PDE11A: variants seen among roughly 807,000 people sequenced by gnomAD.
PDE11A encodes dual 3',5'-cyclic-AMP and -GMP phosphodiesterase 11A.
PDE11A carries 100 observed loss-of-function variants against 100.5 expected under a neutral mutation model. That is an observed-to-expected ratio of 1.00 (90% confidence interval 0.85 to 1.18). PDE11A has a LOEUF of 1.18. Among genes scored for constraint, PDE11A ranks in the 50% most tolerant of loss-of-function variants. The probability of loss-of-function intolerance (pLI) is 0.00; values close to 1 mark genes in which losing one functional copy is unlikely to be tolerated. For synonymous variants in PDE11A, 381 were observed against 420.8 expected, an observed-to-expected ratio of 0.91 and a Z score of 1.16; for missense variants, 1,141 against 1,152.6, an observed-to-expected ratio of 0.99 and a Z score of 0.15.
chr2:178,094,100 A>T (rs562052575), intron 2 of PDE11A, among the ~76,000 whole-genome samples: 7 of 152,352 alleles, frequency 4.6e-5, no homozygotes, highest in Admixed American at 1.3e-4. Context: ...GATTATCTTC[A>T]TCAGAAGATG....
At chr2:177,864,542 C>G (rs1337221092) in intron 5 of PDE11A, among the ~76,000 whole-genome samples, 2 of 151,684 alleles carry the variant, frequency 1.3e-5, no homozygotes, top group Admixed American at 6.6e-5. Context: ...AATGATGGTC[C>G]AAATATAGAA....
chr2:177,924,041 T>C (rs1166927510), intron 2 of PDE11A, among the ~76,000 whole-genome samples: 1 of 152,260 alleles, frequency 6.6e-6, no homozygotes, highest in Non-Finnish European at 1.5e-5. Flanking sequence ...ATATCTGCTT[T>C]ACTCTAAAGT....
chr2:177,629,474 C>A lies in PDE11A; in HGVS notation c.2735G>T (p.Arg912Leu). The A allele has an allele frequency of 6.2e-7, 1 of 1,613,868 alleles. No homozygotes were observed. Among genetic ancestry groups the A allele is most frequent in the Non-Finnish European group, 8.5e-7 (1 of 1,179,818 alleles). The change falls in exon 20 of 20, where the codon CGA becomes CTA. Residue 912 changes from arginine to leucine, a missense_variant. Arg to Leu is a moderately radical substitution (Grantham distance 102). Coordinates refer to ENST00000286063, the MANE Select transcript of PDE11A (RefSeq NM_016953.4). ...RSKWEELHQKRLLASTASSSP... is the reference protein window; with the variant it reads ...RSKWEELHQKLLLASTASSSP... ...GGATGAGGCAGTTGAGGCCAGCAGTCGTTTTTGGTGTAGCTCTTCCCACTT... is the reference window on the plus strand; with the variant it reads ...GGATGAGGCAGTTGAGGCCAGCAGTAGTTTTTGGTGTAGCTCTTCCCACTT...
chr2:177,875,734 G>A (rs1412959860), intron 5 of PDE11A, 125 bp downstream of exon 5: 6 of 728,602 alleles, frequency 8.2e-6, no homozygotes, highest in Non-Finnish European at 1.0e-5. Flanking sequence ...AAATACAGAA[G>A]AGTCACGATA....
intron 10 of PDE11A, among the ~76,000 whole-genome samples, chr2:177,738,546 T>C (rs558583016): frequency 6.6e-6 from 1 of 152,312 alleles, no homozygotes; most frequent in East Asian, 1.9e-4. Flanking sequence ...CTGCCTTTTG[T>C]CTTGGTTCTG....
chr2:178,108,247 C>G (rs1489001890), intron 1 of PDE11A: 1 of 152,306 alleles, frequency 6.6e-6, no homozygotes, highest in Admixed American at 6.5e-5. Context: ...CCGCTCCCAG[C>G]AGTCACCTGG....
intron 2 of PDE11A, among the ~76,000 whole-genome samples, chr2:177,979,498 T>A (rs906429470): frequency 4.0e-5 from 6 of 150,336 alleles, no homozygotes; most frequent in Non-Finnish European, 7.5e-5. Context: ...ATGGAACACC[T>A]ACAAAGAGGT....
rs183247149 is a variant in PDE11A, at chr2:177,795,001, G to T, written c.1737+21828C>A. Among the ~76,000 whole-genome samples the T allele has an allele frequency of 1.8e-3, 281 of 152,222 alleles. 1 individual carries two copies. The highest frequency in any genetic ancestry group is 1.4e-3 in the Non-Finnish European group (98 of 68,024). ...GAGGTTTCACTATGTTGACCAGGCT[G>T]GTCTTGAACTCCTGACCTCATGATC... On this transcript the variant is annotated intron_variant, in intron 9 of 19. Transcript: ENST00000286063.
chr2:177,955,976 A>T (rs960141178), intron 2 of PDE11A, among the ~76,000 whole-genome samples: 8 of 152,158 alleles, frequency 5.3e-5, no homozygotes, highest in Admixed American at 5.2e-4. Context: ...AACCTAGGCA[A>T]TACCATTCAG....
At chr2:177,675,850 GT>G (rs1459311246) in intron 16 of PDE11A, 3 of 408,576 alleles carry the variant, frequency 7.3e-6, no homozygotes, top group South Asian at 2.0e-5. Context: ...ATGTTGTTGG[GT>G]TTTTTTAAAC....
At chr2:177,866,727 A>G (rs929335831) in intron 5 of PDE11A, among the ~76,000 whole-genome samples, 5 of 152,234 alleles carry the variant, frequency 3.3e-5, no homozygotes, top group Admixed American at 6.5e-5. Context: ...AGACTTACAT[A>G]AACAAACTAC....
At chr2:177,658,197 C>T (rs2080418959) in intron 19 of PDE11A, among the ~76,000 whole-genome samples, 1 of 152,156 alleles carries the variant, frequency 6.6e-6, no homozygotes, top group Non-Finnish European at 1.5e-5. Context: ...GTCACAAAAT[C>T]ATCACAACCA....
chr2:177,801,026 A>C (rs929504040), intron 9 of PDE11A, among the ~76,000 whole-genome samples: 1 of 152,234 alleles, frequency 6.6e-6, no homozygotes, highest in Admixed American at 6.5e-5. Flanking sequence ...GCAACCTTTT[A>C]GAAATCTTAT....
chr2:177,706,859 A>T (rs987898919), intron 13 of PDE11A, among the ~76,000 whole-genome samples: 1 of 151,628 alleles, frequency 6.6e-6, no homozygotes, highest in South Asian at 2.1e-4. Flanking sequence ...GTTCAGTCTT[A>T]TACAAGCAAC....
intron 16 of PDE11A, among the ~76,000 whole-genome samples, chr2:177,678,892 G>A (rs1296330664): frequency 6.6e-6 from 1 of 151,942 alleles, no homozygotes; most frequent in Non-Finnish European, 1.5e-5. Flanking sequence ...CATTTGAGAA[G>A]AGATAGTAGT....
rs142121734 is a variant in PDE11A at position 177,728,035 on chromosome 2, A to C, written c.1926T>G (p.Ile642Met). Residue 642 changes from isoleucine to methionine, a missense_variant, in exon 11 of 20, where the codon ATT becomes ATG. Physicochemically the swap from Ile to Met is conservative, Grantham distance 10. Coordinates refer to ENST00000286063, the MANE Select transcript of PDE11A (RefSeq NM_016953.4). Reference sequence around the variant, plus strand: ...AAGACAGACATCTTACCTCATAGTCAATTTTAAATTTCTGTACCATCCCCA... The same window carrying C: ...AAGACAGACATCTTACCTCATAGTCCATTTTAAATTTCTGTACCATCCCCA... Reference protein sequence around the residue: ...MELGMVQKFKIDYETLCRWLL... With the variant: ...MELGMVQKFKMDYETLCRWLL... 6.2e-7 allele frequency: 1 copy of C among 1,613,084 alleles called. No individual in the cohort carries two copies. The highest frequency in any genetic ancestry group is 1.3e-5 in the African/African-American group (1 of 74,856).
chr2:177,979,674 A>G (rs1410775548), intron 2 of PDE11A, among the ~76,000 whole-genome samples: 1 of 135,652 alleles, frequency 7.4e-6, no homozygotes, highest in Non-Finnish European at 1.6e-5. Flanking sequence ...GCAGTGGCGC[A>G]ATCTCAGCTC....
intron 19 of PDE11A, among the ~76,000 whole-genome samples, chr2:177,636,539 T>C (rs1290565687): frequency 1.3e-5 from 2 of 152,230 alleles, no homozygotes; most frequent in Non-Finnish European, 2.9e-5. Flanking sequence ...CACTGTCATA[T>C]AATTTTCTCA....
chr2:178,042,783 A>G (rs890927373), intron 1 of PDE11A, among the ~76,000 whole-genome samples: 1 of 151,016 alleles, frequency 6.6e-6, no homozygotes, highest in East Asian at 2.0e-4. Flanking sequence ...AAGCCTCTAA[A>G]ATTATAACTA....
Sources: allele counts gnomAD v4.1 joint callset (sites outside exome capture counted in the v4.1 genomes callset), GRCh38; gene constraint gnomAD v4.1.1; transcripts MANE v1.5; gene names NCBI Gene and HGNC (gene_info 2026-07-23, HGNC 2026-07-21).